KLHL20: variants seen among roughly 807,000 people sequenced by gnomAD.
The protein encoded by KLHL20 is kelch-like protein 20.
Under a neutral mutation model 69.5 loss-of-function variants are expected in KLHL20, and 29 were observed. The ratio of observed to expected loss-of-function variants is 0.42; its 90% CI spans 0.31 to 0.57. The LOEUF (loss-of-function observed/expected upper bound fraction) is 0.57. Ranked by LOEUF, KLHL20 falls within the 20% of genes least tolerant of loss-of-function variation. The probability of loss-of-function intolerance (pLI) is 0.18; values close to 1 mark genes in which losing one functional copy is unlikely to be tolerated. For synonymous variants in KLHL20, 253 were observed against 265.2 expected (o/e 0.95, Z 0.45); for missense variants, 419 against 776.0 (o/e 0.54, Z 5.47).
intron 7 of KLHL20, among the ~76,000 whole-genome samples, chr1:173,765,494 C>G (rs1647641266): frequency 6.6e-6 from 1 of 150,612 alleles, no homozygotes; most frequent in Non-Finnish European, 1.5e-5. Context: ...CAGAGCGAGA[C>G]TCCGTCTCAA....
chr1:173,769,077 T>A (rs530165559), intron 8 of KLHL20, among the ~76,000 whole-genome samples: 9 of 152,308 alleles, frequency 5.9e-5, no homozygotes, highest in Admixed American at 5.2e-4. Flanking sequence ...TCTAAAGGGC[T>A]TAGAAGAGGG....
chr1:173,751,134 C>T (rs1384311887), intron 3 of KLHL20, among the ~76,000 whole-genome samples: 2 of 152,152 alleles, frequency 1.3e-5, no homozygotes, highest in East Asian at 3.8e-4. Context: ...AATGGAATTA[C>T]AAGGCCTTGG....
At chr1:173,732,145 C>T (rs1362265742) in intron 2 of KLHL20, among the ~76,000 whole-genome samples, 4 of 151,334 alleles carry the variant, frequency 2.6e-5, no homozygotes, top group Non-Finnish European at 2.9e-5. Context: ...TGCAGTGAGC[C>T]GAGATTGCGC....
chr1:173,721,860 G>C (rs967047938), intron 2 of KLHL20, among the ~76,000 whole-genome samples: 1 of 152,182 alleles, frequency 6.6e-6, no homozygotes. Context: ...CTCTATTCAA[G>C]TATATTTAGG....
Position 173,734,153 on chromosome 1 carries a change from A to G in KLHL20, c.464A>G (p.Glu155Gly). ...CTCCTCCAGCTGGCAGAAATACAGG[A>G]AGCCTGCTGTGAATTCTTAAAGAGA... ...ACLLQLAEIQEACCEFLKRQL... is the reference protein window; with the variant it reads ...ACLLQLAEIQGACCEFLKRQL... The change falls in exon 3 of 12, where the codon GAA becomes GGA. Residue 155 changes from glutamate (E) to glycine (G), a missense_variant. Physicochemically the swap from Glu to Gly is moderately conservative, Grantham distance 98. This residue lies in a region of KLHL20 where 99 missense variants were observed against 240.7 expected (regional missense o/e 0.41). Transcript: ENST00000209884. 6.2e-7 allele frequency: 1 copy of G among 1,614,188 alleles called. No homozygotes were observed. The highest frequency in any genetic ancestry group is 1.1e-5 in the South Asian group (1 of 91,078).
chr1:173,756,406 C>T (rs575664852), intron 6 of KLHL20, among the ~76,000 whole-genome samples: 1 of 147,980 alleles, frequency 6.8e-6, no homozygotes, highest in South Asian at 2.1e-4. Context: ...TAGTGCATGT[C>T]TGTAGTCCCA....
At chr1:173,729,927 T>G (rs1049403542) in intron 2 of KLHL20, among the ~76,000 whole-genome samples, 2 of 152,294 alleles carry the variant, frequency 1.3e-5, no homozygotes, top group African/African-American at 4.8e-5. Flanking sequence ...GGAAGTCAAA[T>G]TGTCCCTGTT....
At chr1:173,754,329 G>A (rs1044981417) in intron 5 of KLHL20, among the ~76,000 whole-genome samples, 2 of 152,116 alleles carry the variant, frequency 1.3e-5, no homozygotes, top group Non-Finnish European at 2.9e-5. Context: ...GCTCACGCCT[G>A]TAATCCCAGC....
intron 3 of KLHL20, among the ~76,000 whole-genome samples, chr1:173,738,490 T>C (rs1672642983): frequency 6.6e-6 from 1 of 152,150 alleles, no homozygotes. Context: ...TTTATTTCTT[T>C]CTCTTGTGTG....
At chr1:173,782,473 A>C (rs1648941274) in intron 11 of KLHL20, among the ~76,000 whole-genome samples, 1 of 152,076 alleles carries the variant, frequency 6.6e-6, no homozygotes. Context: ...TAGGGAAAAA[A>C]AATCTTCCTA....
intron 9 of KLHL20, 68 bp from the exon 10 acceptor site, chr1:173,775,566 T>G (rs1001474158): frequency 7.6e-7 from 1 of 1,311,698 alleles, no homozygotes; most frequent in Non-Finnish European, 1.1e-6. Flanking sequence ...TATCAGTGGC[T>G]ATAAAGAAAA....
rs1673592869 is a variant in KLHL20 at position 173,757,288 on chromosome 1, T to C, written c.1151+129T>C. The stretch of plus-strand genomic sequence containing the variant: ...GGCACTAGTTGGCAACCTAAACAAG[T>C]TAGTATGATACACAAATTCTTTATG... On this transcript the variant is annotated intron_variant, in intron 7 of 11. Coordinates refer to ENST00000209884, the MANE Select transcript of KLHL20 (RefSeq NM_014458.4). 5 of 812,590 alleles carry C rather than the reference T, an allele frequency of 6.2e-6. No individual in the cohort carries two copies. The South Asian group carries it at 7.6e-5, about 12-fold the overall frequency. The allele number at this position is 812,590 out of a possible 1,614,324, so 50.3% of individuals were successfully genotyped here. A position where few individuals can be genotyped will look rare whatever the true frequency, so the allele number is the denominator to read the frequency against.
At chr1:173,729,958 G>A (rs940629081) in intron 2 of KLHL20, among the ~76,000 whole-genome samples, 72 of 152,204 alleles carry the variant, frequency 4.7e-4, no homozygotes, top group African/African-American at 1.6e-3. Flanking sequence ...ATGATTGTAT[G>A]TCTAGAAAAC....
At chr1:173,749,943 C>T (rs1673229603) in intron 3 of KLHL20, among the ~76,000 whole-genome samples, 1 of 152,036 alleles carries the variant, frequency 6.6e-6, no homozygotes, top group South Asian at 2.1e-4. Context: ...TTTATAGTCC[C>T]TCAACACAAG....
Position 173,734,209 on chromosome 1 carries a change from C to T in KLHL20, c.520C>T (p.Arg174Trp), listed in dbSNP as rs746360202. The T allele has an allele frequency of 2.5e-6, 4 of 1,614,182 alleles. No individual in the cohort carries two copies. The highest frequency in any genetic ancestry group is 3.4e-6 in the Non-Finnish European group (4 of 1,180,036). The change falls in exon 3 of 12, where the codon CGG becomes TGG. Residue 174 changes from arginine (R) to tryptophan (W), a missense_variant. By Grantham distance (101) the Arg-to-Trp change is moderately radical. This residue lies in a region of KLHL20 where 99 missense variants were observed against 240.7 expected (regional missense o/e 0.41). Coordinates refer to ENST00000209884, the MANE Select transcript of KLHL20 (RefSeq NM_014458.4). Reference sequence around the variant, plus strand: ...AGATCCTTCTAACTGCCTGGGCATTCGGGCTTTTGCTGACACACATTCATG... The same window carrying T: ...AGATCCTTCTAACTGCCTGGGCATTTGGGCTTTTGCTGACACACATTCATG... ...QLDPSNCLGI[R>W]AFADTHSCRE...
intron 2 of KLHL20, among the ~76,000 whole-genome samples, chr1:173,732,063 G>A (rs1672306900): frequency 6.6e-6 from 1 of 152,050 alleles, no homozygotes; most frequent in Non-Finnish European, 1.5e-5. Context: ...CAGACATGGT[G>A]GCACATGCCT....
chr1:173,761,234 A>G (rs142438377), intron 7 of KLHL20, among the ~76,000 whole-genome samples: 78 of 152,316 alleles, frequency 5.1e-4, no homozygotes, highest in Non-Finnish European at 4.0e-4. Context: ...CAAACTTATA[A>G]AACAATTACT....
chr1:173,783,426 C>CT (rs761807902), intron 11 of KLHL20, among the ~76,000 whole-genome samples: 1 of 152,218 alleles, frequency 6.6e-6, no homozygotes, highest in Non-Finnish European at 1.5e-5. Context: ...AGCCACAACT[C>CT]TCACAGAGAT....
At chr1:173,732,052 C>G (rs1264800741) in intron 2 of KLHL20, among the ~76,000 whole-genome samples, 2 of 151,980 alleles carry the variant, frequency 1.3e-5, no homozygotes, top group African/African-American at 4.8e-5. Flanking sequence ...GAAAAATTAG[C>G]CAGACATGGT....
Sources: gnomAD v4.1 joint callset for allele counts (sites outside exome capture counted in the v4.1 genomes callset) on GRCh38, gnomAD v4.1.1 for gene constraint, gnomAD v4.1.1 regional missense constraint, MANE v1.5 for transcripts, NCBI Gene and HGNC (gene_info 2026-07-23, HGNC 2026-07-21) for gene names.